TG: variants seen among roughly 807,000 people sequenced by gnomAD.
TG encodes the protein thyroglobulin, also known as thyroid hormones.
In TG, 270 loss-of-function variants were observed where a neutral mutation model predicts 324.7. The ratio of observed to expected loss-of-function variants is 0.83; its 90% CI spans 0.75 to 0.92. The LOEUF (loss-of-function observed/expected upper bound fraction) is 0.92, where lower values mean the gene tolerates loss of function less well. Among genes scored for constraint, TG ranks in the 40% least tolerant of loss-of-function variants. TG has a pLI of 0.00. For missense variants in TG, 3,591 were observed against 3,456.4 expected, an observed-to-expected ratio of 1.04 and a Z score of -0.98; for synonymous variants, 1,401 against 1,327.0, an observed-to-expected ratio of 1.06 and a Z score of -1.21.
At chr8:133,009,289 G>A (rs1834287640) in intron 35 of TG, among the ~76,000 whole-genome samples, 1 of 152,054 alleles carries the variant, frequency 6.6e-6, no homozygotes, top group Non-Finnish European at 1.5e-5. Flanking sequence ...TTGCAAAAAT[G>A]CCCCTTATAT....
intron 41 of TG, chr8:133,049,013 T>C (rs1433860875): frequency 2.7e-6 from 1 of 365,124 alleles, no homozygotes; most frequent in Non-Finnish European, 5.5e-6. Context: ...TGCTTTGCAT[T>C]TCTTTGCCAA....
chr8:132,879,097 A>G (rs931247822), intron 5 of TG, among the ~76,000 whole-genome samples: 3 of 152,236 alleles, frequency 2.0e-5, no homozygotes, highest in South Asian at 2.1e-4. Flanking sequence ...CAGCTAAACA[A>G]TCTTCATGGT....
At chr8:132,968,205 C>G (rs1003795775) in intron 31 of TG, among the ~76,000 whole-genome samples, 3 of 152,160 alleles carry the variant, frequency 2.0e-5, no homozygotes, top group African/African-American at 7.2e-5. Context: ...GGCAGTATTT[C>G]AATGCAGAAG....
At chr8:132,940,289 T>G (rs557718307) in intron 25 of TG, among the ~76,000 whole-genome samples, 16 of 152,318 alleles carry the variant, frequency 1.1e-4, no homozygotes, top group African/African-American at 3.6e-4. Flanking sequence ...AGCCAGACAG[T>G]TCGCATGTCA....
At chr8:133,070,081 G>A (rs188287221) in intron 41 of TG, among the ~76,000 whole-genome samples, 28 of 151,892 alleles carry the variant, frequency 1.8e-4, no homozygotes, top group Admixed American at 1.1e-3. Flanking sequence ...AAACAATGTG[G>A]GCCTAGGAGA....
chr8:133,130,888 A>AG (rs59331306), intron 45 of TG, among the ~76,000 whole-genome samples: 15,251 of 152,064 alleles, frequency 0.1, 2,537 homozygotes, highest in African/African-American at 0.35. Flanking sequence ...ACTAATCCCC[A>AG]GTGGGGAGAA....
chr8:132,883,059 C>A, intron 8 of TG, 60 bp downstream of exon 8: 1 of 1,566,290 alleles, frequency 6.4e-7, no homozygotes, highest in South Asian at 1.2e-5. Flanking sequence ...TGGCGGTCCT[C>A]CAGACCAACC....
intron 27 of TG, among the ~76,000 whole-genome samples, chr8:132,949,752 A>G (rs545963547): frequency 6.6e-5 from 10 of 152,264 alleles, no homozygotes; most frequent in African/African-American, 1.9e-4. Flanking sequence ...TATAAACACT[A>G]TAGTGAGGCT....
Position 133,102,659 on chromosome 8 carries a change from G to A in TG, c.7572+6286G>A, listed in dbSNP as rs978775310. The A allele has an allele frequency of 3.4e-6, 4 of 1,181,950 alleles. No individual in the cohort carries two copies. The African/African-American group carries it at 6.1e-5, about 18-fold the overall frequency. The allele number at this position is 1,181,950 out of a possible 1,614,324, so 73.2% of individuals were successfully genotyped here. A position where few individuals can be genotyped will look rare whatever the true frequency, so the allele number is the denominator to read the frequency against. ...AATTCTTCATCAGTCGCTGTCATGG[G>A]GAATTTCTCCCCCTTTTCTCTTTCT... On this transcript the variant is annotated intron_variant, in intron 43 of 47. Coordinates refer to ENST00000220616, the MANE Select transcript of TG (RefSeq NM_003235.5).
intron 41 of TG, among the ~76,000 whole-genome samples, chr8:133,090,806 G>A (rs190351595): frequency 6.6e-6 from 1 of 152,224 alleles, no homozygotes; most frequent in East Asian, 1.9e-4. Context: ...GGCAGAGCTG[G>A]AATTAAAACC....
At chr8:132,917,301 GA>G (rs1412550232) in intron 20 of TG, among the ~76,000 whole-genome samples, 1 of 152,028 alleles carries the variant, frequency 6.6e-6, no homozygotes, top group Non-Finnish European at 1.5e-5. Flanking sequence ...GCTGGGGTAG[GA>G]AATGCTGGCA....
At chr8:132,941,672 C>T in intron 26 of TG, 130 bp downstream of exon 26, 10 of 959,784 alleles carry the variant, frequency 1.0e-5, no homozygotes, top group East Asian at 2.6e-5. Context: ...GAGAAGGTGA[C>T]AGTCAAGTAC....
At chr8:133,113,691 A>C in intron 44 of TG, 88 bp downstream of exon 44, 1 of 1,461,780 alleles carries the variant, frequency 6.8e-7, no homozygotes, top group Non-Finnish European at 9.4e-7. Context: ...TGAGAAATAA[A>C]GGCACGTGGC....
intron 27 of TG, among the ~76,000 whole-genome samples, chr8:132,957,843 G>A (rs1290591164): frequency 2.0e-5 from 3 of 151,926 alleles, no homozygotes; most frequent in East Asian, 1.9e-4. Flanking sequence ...GGTTACATGA[G>A]TAAGTTCTTT....
Position 133,050,808 on chromosome 8 carries a change from T to C in TG, c.7239+20785T>C, listed in dbSNP as rs183234354. On this transcript the variant is annotated intron_variant, in intron 41 of 47. Coordinates refer to ENST00000220616, the MANE Select transcript of TG (RefSeq NM_003235.5). The stretch of plus-strand genomic sequence containing the variant: ...GAAGATTGCACAAGTTTTGGAGAGC[T>C]GACTCACTCAGAAATCACACGCAGT... 22 of 1,569,168 alleles carry C rather than the reference T, an allele frequency of 1.4e-5. No individual in the cohort carries two copies. The Admixed American group carries it at 2.7e-4, about 19-fold the overall frequency.
chr8:133,029,685 A>G, intron 40 of TG, 136 bp from the exon 41 acceptor site: 1 of 1,042,224 alleles, frequency 9.6e-7, no homozygotes, highest in South Asian at 1.3e-5. Flanking sequence ...TTTGGAACCC[A>G]CAGTCTCTAC....
chr8:133,089,806 C>T (rs967180656), intron 41 of TG, among the ~76,000 whole-genome samples: 2 of 152,182 alleles, frequency 1.3e-5, no homozygotes, highest in Non-Finnish European at 2.9e-5. Context: ...TCTGACCCCA[C>T]TGCCATCCCT....
chr8:132,942,914 C>T (rs375046423), intron 26 of TG, among the ~76,000 whole-genome samples: 14 of 152,246 alleles, frequency 9.2e-5, no homozygotes, highest in African/African-American at 3.4e-4. Context: ...GAGCTAGAGA[C>T]AGAGAGACCC....
At chr8:132,918,943 T>C (rs951084656) in intron 20 of TG, among the ~76,000 whole-genome samples, 1 of 152,212 alleles carries the variant, frequency 6.6e-6, no homozygotes, top group African/African-American at 2.4e-5. Context: ...ATGGGTGTGA[T>C]GTATTAATGT....
Sources: allele counts gnomAD v4.1 joint callset (sites outside exome capture counted in the v4.1 genomes callset), GRCh38; gene constraint gnomAD v4.1.1; transcripts MANE v1.5; gene names NCBI Gene and HGNC (gene_info 2026-07-23, HGNC 2026-07-21).